G2E3: variants seen among roughly 807,000 people sequenced by gnomAD.
G2E3 encodes the protein G2/M-phase specific E3 ubiquitin protein ligase.
G2E3 carries 35 observed loss-of-function variants against 92.8 expected under a neutral mutation model. That is an observed-to-expected ratio of 0.38 (90% CI 0.29 to 0.50). The LOEUF is 0.50. Among genes scored for constraint, G2E3 ranks in the 20% least tolerant of loss-of-function variants. The pLI is 0.94. For missense variants in G2E3, 554 were observed against 823.8 expected, an observed-to-expected ratio of 0.67 and a Z score of 4.01; for synonymous variants, 242 against 272.4, an observed-to-expected ratio of 0.89 and a Z score of 1.10.
intron 1 of G2E3, among the ~76,000 whole-genome samples, chr14:30,579,260 C>T (rs1347990454): frequency 6.6e-6 from 1 of 152,184 alleles, no homozygotes; most frequent in African/African-American, 2.4e-5. Context: ...TCTAGACCTA[C>T]TTAACTCTAA....
At chr14:30,568,964 A>T (rs1199410264) in intron 1 of G2E3, among the ~76,000 whole-genome samples, 1 of 152,106 alleles carries the variant, frequency 6.6e-6, no homozygotes, top group Non-Finnish European at 1.5e-5. Context: ...GATCTACTAA[A>T]AGTTTCCCTT....
rs1379656324 is a variant in G2E3, at chr14:30,617,034, CT to C, written c.*504del. The C allele has an allele frequency of 6.6e-6, 1 of 152,254 alleles. No individual in the cohort carries two copies. Among genetic ancestry groups the C allele is most frequent in the Non-Finnish European group, 1.5e-5 (1 of 68,162 alleles). 9.4% of individuals were successfully genotyped at this position (152,254 alleles called of 1,614,324 possible). Reference sequence around the variant, plus strand: ...TCTGGGATTTGTGTTACTATGCATACTTTTCTAGGATGTCACCAAATTAGTT... The same window carrying C: ...TCTGGGATTTGTGTTACTATGCATACTTTCTAGGATGTCACCAAATTAGTT... On this transcript the variant is annotated 3_prime_UTR_variant, in exon 15 of 15. Coordinates refer to ENST00000206595, the MANE Select transcript of G2E3 (RefSeq NM_017769.5).
intron 1 of G2E3, among the ~76,000 whole-genome samples, chr14:30,563,695 T>TTGTGTGTGTGTGTGTGTGTG (rs56029424): frequency 7.1e-6 from 1 of 141,184 alleles, no homozygotes; most frequent in African/African-American, 2.7e-5. Flanking sequence ...TTTGTTACTT[T>TTGTGTGTGTGTGTGTGTGTG]TGTGTGTGTG....
chr14:30,616,214 A>G (rs1882306769), intron 14 of G2E3, 64 bp from the exon 15 acceptor site: 1 of 1,025,220 alleles, frequency 9.8e-7, no homozygotes, highest in African/African-American at 1.6e-5. Flanking sequence ...ATCTATGATG[A>G]TAGCAATATA....
intron 8 of G2E3, among the ~76,000 whole-genome samples, chr14:30,601,060 G>A (rs1881546125): frequency 6.6e-6 from 1 of 152,128 alleles, no homozygotes; most frequent in South Asian, 2.1e-4. Context: ...CACACAGAGG[G>A]ATGATATGCC....
At chr14:30,560,324 G>C (rs1879018448) in intron 1 of G2E3, 1 of 153,268 alleles carries the variant, frequency 6.5e-6, no homozygotes, top group African/African-American at 2.4e-5. Flanking sequence ...TTCCTTTTAA[G>C]GTTTTAACAC....
At chr14:30,588,280 AAG>A (rs1334532470) in intron 3 of G2E3, among the ~76,000 whole-genome samples, 2 of 152,126 alleles carry the variant, frequency 1.3e-5, no homozygotes, top group African/African-American at 2.4e-5. Flanking sequence ...TTTCTATAAA[AAG>A]TAAAATAAAA....
intron 13 of G2E3, 124 bp downstream of exon 13, chr14:30,612,503 T>G (rs1882141051): frequency 1.6e-6 from 1 of 620,228 alleles, no homozygotes; most frequent in Non-Finnish European, 2.8e-6. Context: ...ATTTAAATGC[T>G]ATTTTTAAAT....
chr14:30,560,417 C>T (rs1040669254), intron 1 of G2E3: 9 of 200,844 alleles, frequency 4.5e-5, no homozygotes, highest in African/African-American at 2.1e-4. Flanking sequence ...ATTCCTTCAT[C>T]CAGTGCTGGC....
chr14:30,574,188 C>G (rs551509498), intron 1 of G2E3, among the ~76,000 whole-genome samples: 32 of 152,194 alleles, frequency 2.1e-4, no homozygotes, highest in African/African-American at 7.0e-4. Flanking sequence ...ATCTGGTCCC[C>G]CTACCCCTTA....
intron 7 of G2E3, among the ~76,000 whole-genome samples, chr14:30,597,827 A>G (rs1322780682): frequency 1.3e-5 from 2 of 152,232 alleles, no homozygotes; most frequent in Non-Finnish European, 1.5e-5. Context: ...GAGAATCAAG[A>G]TGTGATTTAA....
At chr14:30,559,327 CGTGGG>C (rs1566517893) in intron 1 of G2E3, 55 bp downstream of exon 1, 1 of 152,568 alleles carries the variant, frequency 6.6e-6, no homozygotes, top group East Asian at 1.9e-4. Context: ...GAAGCAGGAC[CGTGGG>C]GTGGGAGAGG....
intron 10 of G2E3, among the ~76,000 whole-genome samples, chr14:30,604,455 G>C (rs1196397656): frequency 1.3e-5 from 2 of 152,192 alleles, no homozygotes; most frequent in Non-Finnish European, 2.9e-5. Context: ...GGGAAGGAGT[G>C]ATTGAGCTGG....
rs186781219 is a variant in G2E3, at chr14:30,560,939, G to C, written c.-5+1667G>C. On this transcript the variant is annotated intron_variant, in intron 1 of 14. Transcript: ENST00000206595. ...AAAGACATGGAACTGGGGCCAGATT[G>C]CCTTGGTTTGAAGCCCATCTCCACC... 3 of 619,372 alleles carry C rather than the reference G, an allele frequency of 4.8e-6. No individual in the cohort carries two copies. In the African/African-American group the frequency reaches 5.5e-5, roughly 11 times the overall value. 38.4% of individuals were successfully genotyped at this position (619,372 alleles called of 1,614,324 possible).
chr14:30,564,648 T>G (rs1879325799), intron 1 of G2E3, among the ~76,000 whole-genome samples: 1 of 152,250 alleles, frequency 6.6e-6, no homozygotes, highest in African/African-American at 2.4e-5. Context: ...ATTAGCCATT[T>G]TAAAGTAGAC....
At chr14:30,582,764 C>T (rs1428642747) in intron 2 of G2E3, among the ~76,000 whole-genome samples, 2 of 152,140 alleles carry the variant, frequency 1.3e-5, no homozygotes, top group African/African-American at 4.8e-5. Flanking sequence ...GAGCTGAAAT[C>T]TTTTAAAGGG....
intron 3 of G2E3, among the ~76,000 whole-genome samples, chr14:30,587,314 A>G (rs1256021812): frequency 6.6e-6 from 1 of 152,186 alleles, no homozygotes; most frequent in African/African-American, 2.4e-5. Flanking sequence ...GAGTGATTTC[A>G]TACTCAGAAT....
intron 4 of G2E3, among the ~76,000 whole-genome samples, chr14:30,591,296 G>A (rs990279176): frequency 2.0e-5 from 3 of 152,026 alleles, no homozygotes; most frequent in African/African-American, 7.2e-5. Context: ...TTTAATTGCC[G>A]TCTTAAGGGT....
intron 4 of G2E3, among the ~76,000 whole-genome samples, chr14:30,591,658 C>G (rs1314553084): frequency 1.3e-5 from 2 of 152,148 alleles, no homozygotes; most frequent in Admixed American, 1.3e-4. Flanking sequence ...TCTGTATATG[C>G]CTGTGTCTTA....
Sources: allele counts gnomAD v4.1 joint callset (sites outside exome capture counted in the v4.1 genomes callset), GRCh38; gene constraint gnomAD v4.1.1; transcripts MANE v1.5; gene names NCBI Gene and HGNC (gene_info 2026-07-23, HGNC 2026-07-21).